Variants in PLAAT3 observed in about 807,000 individuals in gnomAD.
PLAAT3 encodes phospholipase A and acyltransferase 3.
PLAAT3 carries 21 observed loss-of-function variants against 16.7 expected under a neutral mutation model. The ratio of observed to expected loss-of-function variants is 1.26; its 90% CI spans 0.89 to 1.81. The LOEUF (loss-of-function observed/expected upper bound fraction) is 1.81. PLAAT3 is among the 40% of genes most tolerant of loss of function. The probability of loss-of-function intolerance (pLI) is 0.00; values close to 1 mark genes in which losing one functional copy is unlikely to be tolerated. For synonymous variants in PLAAT3, 76 were observed against 81.7 expected (o/e 0.93, Z 0.38); for missense variants, 219 against 213.7 (o/e 1.02, Z -0.16).
intron 4 of PLAAT3, among the ~76,000 whole-genome samples, chr11:63,585,121 G>A (rs946003878): frequency 1.3e-5 from 2 of 150,690 alleles, no homozygotes; most frequent in Non-Finnish European, 3.0e-5. Flanking sequence ...TCCACCTCCC[G>A]GGTTCAAGCA....
At chr11:63,586,131 T>TGTGTGC (rs1299071379) in intron 4 of PLAAT3, among the ~76,000 whole-genome samples, 1 of 151,666 alleles carries the variant, frequency 6.6e-6, no homozygotes, top group African/African-American at 2.4e-5. Flanking sequence ...TGTGTGTGTG[T>TGTGTGC]GCACGTGTAT....
At position 63,584,921 on chromosome 11, in the gene PLAAT3, A is replaced by G. The variant is rs547622160; in HGVS notation, c.387+5179T>C. ...AAAATATCCTCATGAGTTAAATGAAAAGGAGAGTCACTGCACTGACAGTGC... is the reference window on the plus strand; with the variant it reads ...AAAATATCCTCATGAGTTAAATGAAGAGGAGAGTCACTGCACTGACAGTGC... On this transcript the variant is annotated intron_variant, in intron 4 of 4. Transcript: ENST00000415826. Among the ~76,000 whole-genome samples, 13 of 152,296 alleles carry G rather than the reference A, an allele frequency of 8.5e-5. No individual in the cohort carries two copies. The East Asian group carries it at 2.5e-3, about 29-fold the overall frequency.
intron 4 of PLAAT3, among the ~76,000 whole-genome samples, chr11:63,587,454 T>C (rs750142276): frequency 4.6e-5 from 7 of 151,622 alleles, no homozygotes; most frequent in Non-Finnish European, 1.0e-4. Flanking sequence ...ATTTCTAACC[T>C]AGAATTCTAT....
chr11:63,615,002 G>A (rs1257515700), upstream of PLAAT3, among the ~76,000 whole-genome samples: 9 of 111,372 alleles, frequency 8.1e-5, no homozygotes, highest in African/African-American at 1.8e-4. Flanking sequence ...GCAACAAAGC[G>A]AAACTCAGTC....
At chr11:63,611,259 A>T (rs904961818) in intron 2 of PLAAT3, among the ~76,000 whole-genome samples, 13 of 152,102 alleles carry the variant, frequency 8.5e-5, no homozygotes, top group Non-Finnish European at 1.9e-4. Context: ...GACATGAACC[A>T]CACGTCTGGC....
At chr11:63,585,029 CTT>C (rs1240361862) in intron 4 of PLAAT3, among the ~76,000 whole-genome samples, 23 of 139,536 alleles carry the variant, frequency 1.6e-4, no homozygotes, top group East Asian at 2.1e-4. Flanking sequence ...CATCGAAGTT[CTT>C]TTTTTTTTTT....
chr11:63,607,299 T>A (rs1938592224), intron 2 of PLAAT3, among the ~76,000 whole-genome samples: 1 of 151,940 alleles, frequency 6.6e-6, no homozygotes, highest in African/African-American at 2.4e-5. Context: ...TGGTTTAGAA[T>A]GAGGATCATC....
chr11:63,608,992 C>T (rs987133013), intron 2 of PLAAT3, among the ~76,000 whole-genome samples: 12 of 152,292 alleles, frequency 7.9e-5, no homozygotes, highest in African/African-American at 2.6e-4. Context: ...GTAAATAGGG[C>T]TTGATAACGT....
At chr11:63,590,026 T>C in intron 4 of PLAAT3, 74 bp downstream of exon 4, 3 of 1,436,054 alleles carry the variant, frequency 2.1e-6, no homozygotes, top group Non-Finnish European at 1.9e-6. Flanking sequence ...CATGCCTCCA[T>C]AGCCATGCCC....
intron 2 of PLAAT3, among the ~76,000 whole-genome samples, chr11:63,604,239 G>C (rs762811114): frequency 6.6e-6 from 1 of 152,046 alleles, no homozygotes; most frequent in African/African-American, 2.4e-5. Context: ...TATTACATAC[G>C]CAACAGTGCG....
At chr11:63,599,311 C>T (rs906096220) in intron 2 of PLAAT3, among the ~76,000 whole-genome samples, 4 of 152,146 alleles carry the variant, frequency 2.6e-5, no homozygotes, top group East Asian at 1.9e-4. Context: ...GTGAGGACTC[C>T]GGCTTGCTTG....
At chr11:63,613,072 G>A (rs904292140) in intron 2 of PLAAT3, among the ~76,000 whole-genome samples, 1 of 152,160 alleles carries the variant, frequency 6.6e-6, no homozygotes, top group Non-Finnish European at 1.5e-5. Context: ...CTCAAAATGT[G>A]TGCTAGGCAT....
intron 4 of PLAAT3, among the ~76,000 whole-genome samples, chr11:63,588,485 C>T (rs1431152703): frequency 1.3e-5 from 2 of 148,700 alleles, no homozygotes; most frequent in Non-Finnish European, 3.0e-5. Flanking sequence ...CTTTCTTTCA[C>T]TGCATCACCT....
At chr11:63,586,071 G>A (rs1937964492) in intron 4 of PLAAT3, among the ~76,000 whole-genome samples, 1 of 152,004 alleles carries the variant, frequency 6.6e-6, no homozygotes, top group Non-Finnish European at 1.5e-5. Flanking sequence ...ACAAAAATCA[G>A]CCAGGCATGG....
intron 3 of PLAAT3, among the ~76,000 whole-genome samples, chr11:63,596,237 C>CCAA (rs1491281145): frequency 2.5e-5 from 1 of 40,708 alleles, no homozygotes; most frequent in East Asian, 1.0e-3. Context: ...GAGACTCTGT[C>CCAA]AAAAAAAAAA....
chr11:63,575,401 G>A (rs889170433), intron 4 of PLAAT3, among the ~76,000 whole-genome samples: 5 of 152,232 alleles, frequency 3.3e-5, no homozygotes, highest in Non-Finnish European at 7.3e-5. Flanking sequence ...TAGAAGCAAA[G>A]GTGGAGTCAG....
intron 2 of PLAAT3, among the ~76,000 whole-genome samples, chr11:63,606,792 G>C (rs1005063109): frequency 6.6e-6 from 1 of 152,196 alleles, no homozygotes; most frequent in African/African-American, 2.4e-5. Flanking sequence ...GGTGGGAAGC[G>C]GGGGTAGAAC....
At chr11:63,578,752 C>G (rs1003960028) in intron 4 of PLAAT3, among the ~76,000 whole-genome samples, 4 of 151,464 alleles carry the variant, frequency 2.6e-5, no homozygotes, top group African/African-American at 9.7e-5. Context: ...CATGTTAGAC[C>G]TAAAACCATA....
At chr11:63,579,244 G>C (rs1467118258) in intron 4 of PLAAT3, among the ~76,000 whole-genome samples, 3 of 152,176 alleles carry the variant, frequency 2.0e-5, no homozygotes, top group Non-Finnish European at 2.9e-5. Flanking sequence ...AGAGGATATG[G>C]AGAAATAGGA....
Sources: allele counts gnomAD v4.1 joint callset (sites outside exome capture counted in the v4.1 genomes callset), GRCh38; gene constraint gnomAD v4.1.1; transcripts MANE v1.5; gene names NCBI Gene and HGNC (gene_info 2026-07-23, HGNC 2026-07-21).